The following PLCB1 variants were observed in gnomAD, a reference collection of about 807,000 sequenced individuals.
PLCB1 encodes 1-phosphatidylinositol 4,5-bisphosphate phosphodiesterase beta-1.
PLCB1 carries 46 observed loss-of-function variants against 161.8 expected under a neutral mutation model. That is an observed-to-expected ratio of 0.28 (90% CI 0.22 to 0.36). The LOEUF is 0.36. PLCB1 is among the 10% of genes least tolerant of loss of function. PLCB1 has a pLI of 1.00. For missense variants in PLCB1, 1,016 were observed against 1,472.5 expected (o/e 0.69, Z 5.07); for synonymous variants, 517 against 503.7 (o/e 1.03, Z -0.35).
At chr20:8,591,615 C>T (rs562633611) in intron 3 of PLCB1, among the ~76,000 whole-genome samples, 2 of 152,244 alleles carry the variant, frequency 1.3e-5, no homozygotes, top group East Asian at 1.9e-4. Flanking sequence ...TATTCACACC[C>T]AGGGCACTTA....
At chr20:8,676,027 T>C (rs1373388328) in intron 9 of PLCB1, among the ~76,000 whole-genome samples, 4 of 152,206 alleles carry the variant, frequency 2.6e-5, no homozygotes, top group South Asian at 2.1e-4. Context: ...TATTTATTCT[T>C]TGGAGTCAGG....
intron 10 of PLCB1, among the ~76,000 whole-genome samples, chr20:8,688,230 A>G (rs1413309895): frequency 6.6e-6 from 1 of 152,008 alleles, no homozygotes; most frequent in Non-Finnish European, 1.5e-5. Flanking sequence ...TAGATTCTGG[A>G]TATTAGTCCT....
chr20:8,511,396 TA>T (rs772649698), intron 3 of PLCB1, among the ~76,000 whole-genome samples: 2 of 152,306 alleles, frequency 1.3e-5, no homozygotes, highest in South Asian at 4.1e-4. Flanking sequence ...TAAATATATA[TA>T]AAACATTTCT....
intron 3 of PLCB1, among the ~76,000 whole-genome samples, chr20:8,450,719 T>G (rs2122645325): frequency 6.6e-6 from 1 of 152,350 alleles, no homozygotes; most frequent in Middle Eastern, 3.4e-3. Context: ...TTGTATACTT[T>G]GTAGATTTTA....
At chr20:8,488,059 C>T (rs998979040) in intron 3 of PLCB1, among the ~76,000 whole-genome samples, 12 of 152,132 alleles carry the variant, frequency 7.9e-5, no homozygotes, top group African/African-American at 2.7e-4. Context: ...TATTCGAAGT[C>T]TTACTATGTT....
chr20:8,477,053 C>T lies in PLCB1; in HGVS notation c.246+105603C>T, dbSNP rs181173036. 3.6e-3 allele frequency among the ~76,000 whole-genome samples: 542 copies of T among 152,196 alleles called. 3 individuals carry two copies. The highest frequency in any genetic ancestry group is 5.6e-3 in the Non-Finnish European group (381 of 68,004). On this transcript the variant is annotated intron_variant, in intron 3 of 31. Coordinates refer to ENST00000338037, the MANE Select transcript of PLCB1 (RefSeq NM_015192.4). Reference sequence around the variant, plus strand: ...GTACTTGAGGATTACTCAGCGGGTTCCAAAGAGTACAGACATTTAAGATCC... The same window carrying T: ...GTACTTGAGGATTACTCAGCGGGTTTCAAAGAGTACAGACATTTAAGATCC...
intron 3 of PLCB1, among the ~76,000 whole-genome samples, chr20:8,582,948 C>T (rs975662295): frequency 6.7e-5 from 10 of 149,948 alleles, no homozygotes; most frequent in South Asian, 4.2e-4. Context: ...GAGATCACAC[C>T]GCTGCACTCT....
At chr20:8,663,588 A>G (rs1052014839) in intron 9 of PLCB1, among the ~76,000 whole-genome samples, 2 of 152,144 alleles carry the variant, frequency 1.3e-5, no homozygotes, top group African/African-American at 2.4e-5. Context: ...GGAGATGTGT[A>G]TATTGGTTAT....
chr20:8,665,208 C>G (rs1460830609), intron 9 of PLCB1, among the ~76,000 whole-genome samples: 1 of 152,156 alleles, frequency 6.6e-6, no homozygotes, highest in Non-Finnish European at 1.5e-5. Context: ...CTTATAAAGC[C>G]ATTTAACTTC....
chr20:8,847,197 A>T (rs903088422), intron 31 of PLCB1, among the ~76,000 whole-genome samples: 5 of 141,300 alleles, frequency 3.5e-5, no homozygotes, highest in African/African-American at 1.2e-4. Context: ...AGACATTCTG[A>T]TTCTGAAGCT....
Position 8,704,768 on chromosome 20 carries a change from T to G in PLCB1, c.1168-3902T>G, listed in dbSNP as rs1005249196. On this transcript the variant is annotated intron_variant, in intron 11 of 31. Coordinates refer to ENST00000338037, the MANE Select transcript of PLCB1 (RefSeq NM_015192.4). ...GACAGAGTTATTAAAAGGAACTGGCTTATGTGGTTATGGAGGCTGAGAAAT... is the reference window on the plus strand; with the variant it reads ...GACAGAGTTATTAAAAGGAACTGGCGTATGTGGTTATGGAGGCTGAGAAAT... Among the ~76,000 whole-genome samples the G allele has an allele frequency of 2.6e-5, 4 of 152,102 alleles. No homozygotes were observed. In the East Asian group the frequency reaches 7.7e-4, roughly 29 times the overall value.
At chr20:8,219,167 CTG>C (rs1166691487) in intron 2 of PLCB1, among the ~76,000 whole-genome samples, 8 of 152,272 alleles carry the variant, frequency 5.3e-5, no homozygotes, top group Middle Eastern at 3.4e-3. Context: ...CAAGACTTCA[CTG>C]TGTTTTCTAG....
At chr20:8,203,036 C>T (rs1052064867) in intron 2 of PLCB1, among the ~76,000 whole-genome samples, 7 of 151,792 alleles carry the variant, frequency 4.6e-5, no homozygotes, top group South Asian at 2.1e-4. Context: ...GTAGTGATTA[C>T]GGAGCAGGAA....
intron 2 of PLCB1, among the ~76,000 whole-genome samples, chr20:8,341,764 T>A (rs1335343232): frequency 6.6e-6 from 1 of 152,194 alleles, no homozygotes; most frequent in Non-Finnish European, 1.5e-5. Context: ...TCAATAATGA[T>A]CCCTGACATT....
In PLCB1 at chr20:8,333,980, C is replaced by T. The variant is rs149646839; in HGVS notation, c.178-37402C>T. 2.5e-4 allele frequency among the ~76,000 whole-genome samples: 38 copies of T among 152,278 alleles called. No individual in the cohort carries two copies. In the East Asian group the frequency reaches 4.3e-3, roughly 17 times the overall value. ...ATCCCAGCACTTTGGGAAGCGGAGGCGGACGGATCACCTGAGGTCGGGAGT... is the reference window on the plus strand; with the variant it reads ...ATCCCAGCACTTTGGGAAGCGGAGGTGGACGGATCACCTGAGGTCGGGAGT... On this transcript the variant is annotated intron_variant, in intron 2 of 31. Coordinates refer to ENST00000338037, the MANE Select transcript of PLCB1 (RefSeq NM_015192.4).
chr20:8,844,450 G>A (rs1317079980), intron 31 of PLCB1, among the ~76,000 whole-genome samples: 1 of 152,168 alleles, frequency 6.6e-6, no homozygotes, highest in Non-Finnish European at 1.5e-5. Flanking sequence ...AGGTTCCATG[G>A]CTAATGCCTG....
At chr20:8,203,408 C>T (rs1978351938) in intron 2 of PLCB1, among the ~76,000 whole-genome samples, 1 of 151,894 alleles carries the variant, frequency 6.6e-6, no homozygotes, top group Non-Finnish European at 1.5e-5. Context: ...AAATAATTTC[C>T]AGTGTAGTGA....
chr20:8,406,994 TC>T (rs1165230498), intron 3 of PLCB1, among the ~76,000 whole-genome samples: 1 of 152,098 alleles, frequency 6.6e-6, no homozygotes, highest in East Asian at 1.9e-4. Context: ...CCCCTGACAA[TC>T]CAAAGAAGAT....
rs1177302486 is a variant in PLCB1, at chr20:8,710,502, C to CTT, written c.1250+1776_1250+1777dup. Among the ~76,000 whole-genome samples, 52 of 71,478 alleles carry CTT rather than the reference C, an allele frequency of 7.3e-4. 8 individuals are homozygous for CTT. Among genetic ancestry groups the CTT allele is most frequent in the African/African-American group, 9.7e-4 (18 of 18,516 alleles). The allele number at this position is 71,478 out of a possible 152,430, so 46.9% of individuals were successfully genotyped here. On this transcript the variant is annotated intron_variant, in intron 12 of 31. Coordinates refer to ENST00000338037, the MANE Select transcript of PLCB1 (RefSeq NM_015192.4). ...GTATTATAGTTTCGACTTGAGGATG[C>CTT]TTTTTTTTTTTTTTTTTTTTTTTTT...
Sources: gnomAD v4.1 joint callset for allele counts (sites outside exome capture counted in the v4.1 genomes callset) on GRCh38, gnomAD v4.1.1 for gene constraint, MANE v1.5 for transcripts, NCBI Gene and HGNC (gene_info 2026-07-23, HGNC 2026-07-21) for gene names.